LRMDA: variants seen among roughly 807,000 people sequenced by gnomAD.
LRMDA encodes the protein leucine rich melanocyte differentiation associated.
A neutral mutation model predicts 29.8 loss-of-function variants in LRMDA; 18 were observed. The ratio of observed to expected loss-of-function variants is 0.60; its 90% CI spans 0.42 to 0.90. The LOEUF is 0.90. Ranked by LOEUF, LRMDA falls within the 40% of genes least tolerant of loss-of-function variation. The probability of loss-of-function intolerance (pLI) is 0.00; values close to 1 mark genes in which losing one functional copy is unlikely to be tolerated. For synonymous variants in LRMDA, 125 were observed against 109.4 expected, an observed-to-expected ratio of 1.14 and a Z score of -0.89; for missense variants, 273 against 273.9, an observed-to-expected ratio of 1.00 and a Z score of 0.02.
intron 6 of LRMDA, among the ~76,000 whole-genome samples, chr10:76,374,470 A>G (rs1450292422): frequency 6.6e-6 from 1 of 152,194 alleles, no homozygotes; most frequent in Admixed American, 6.5e-5. Context: ...GATGCAGAAA[A>G]GAAGATATAA....
chr10:75,623,790 T>C (rs763536362), intron 2 of LRMDA, among the ~76,000 whole-genome samples: 3 of 152,228 alleles, frequency 2.0e-5, no homozygotes, highest in Non-Finnish European at 2.9e-5. Flanking sequence ...TGTTCATCTT[T>C]ATCAGCCAAA....
At chr10:76,378,116 G>A (rs1020835986) in intron 6 of LRMDA, among the ~76,000 whole-genome samples, 9 of 152,052 alleles carry the variant, frequency 5.9e-5, no homozygotes, top group Non-Finnish European at 1.2e-4. Flanking sequence ...TTGGTTAAAT[G>A]TATTTCTAGG....
chr10:75,752,884 T>A (rs937207179), intron 2 of LRMDA, among the ~76,000 whole-genome samples: 9 of 152,238 alleles, frequency 5.9e-5, no homozygotes, highest in Non-Finnish European at 1.2e-4. Flanking sequence ...AATTCGAGTC[T>A]GAATTGCGTC....
At chr10:75,432,222 G>C (rs1433178385) in intron 1 of LRMDA, among the ~76,000 whole-genome samples, 1 of 152,254 alleles carries the variant, frequency 6.6e-6, no homozygotes, top group Non-Finnish European at 1.5e-5. Context: ...AGGGGTTTAT[G>C]AAGGCAAAAG....
chr10:75,581,570 A>AAGTCATTG (rs564968616), intron 2 of LRMDA, among the ~76,000 whole-genome samples: 1,813 of 152,284 alleles, frequency 0.012, 31 homozygotes, highest in African/African-American at 0.039. Context: ...TACTGGGTAT[A>AAGTCATTG]TACCCAAAGG....
At chr10:75,637,513 A>G (rs904335845) in intron 2 of LRMDA, among the ~76,000 whole-genome samples, 1 of 152,102 alleles carries the variant, frequency 6.6e-6, no homozygotes, top group African/African-American at 2.4e-5. Flanking sequence ...CCAGGAGACT[A>G]ATCTCTTACT....
At chr10:76,270,217 A>G (rs1052143713) in intron 5 of LRMDA, 3 of 152,250 alleles carry the variant, frequency 2.0e-5, no homozygotes, top group African/African-American at 7.2e-5. Context: ...TGTCTCAAAG[A>G]AAATGCATGA....
intron 6 of LRMDA, among the ~76,000 whole-genome samples, chr10:76,428,604 C>A (rs1186415448): frequency 6.6e-6 from 1 of 152,082 alleles, no homozygotes; most frequent in South Asian, 2.1e-4. Context: ...TGTGAGATTG[C>A]CACTGGAGCT....
intron 2 of LRMDA, among the ~76,000 whole-genome samples, chr10:75,486,992 G>C (rs1374091414): frequency 6.6e-5 from 10 of 152,204 alleles, no homozygotes; most frequent in Admixed American, 1.3e-4. Flanking sequence ...ATTAATCAGG[G>C]AGACGAAGGG....
intron 5 of LRMDA, among the ~76,000 whole-genome samples, chr10:76,143,826 G>T (rs77801576): frequency 0.15 from 22,439 of 152,132 alleles, 1,953 homozygotes; most frequent in Non-Finnish European, 0.19. Context: ...ATGGTTTTAG[G>T]TCTAACATTT....
chr10:75,549,991 G>T (rs1840122874), intron 2 of LRMDA, among the ~76,000 whole-genome samples: 2 of 152,078 alleles, frequency 1.3e-5, no homozygotes, highest in Admixed American at 6.6e-5. Context: ...TCTTTTTATT[G>T]TTGAGTAGTA....
chr10:75,681,890 G>A (rs2463953), intron 2 of LRMDA, among the ~76,000 whole-genome samples: 151,698 of 152,290 alleles, frequency 1, 75,558 homozygotes, highest in Middle Eastern at 1. Context: ...CCGGGAGAAA[G>A]CGCTTTTGAA....
chr10:76,404,690 CCTT>C (rs1470334694), intron 6 of LRMDA, among the ~76,000 whole-genome samples: 5 of 152,182 alleles, frequency 3.3e-5, no homozygotes, highest in African/African-American at 4.8e-5. Flanking sequence ...TCCAAAGTCT[CCTT>C]CTCATTGAAG....
intron 2 of LRMDA, among the ~76,000 whole-genome samples, chr10:75,564,817 A>G (rs367592707): frequency 4.6e-5 from 7 of 152,218 alleles, no homozygotes; most frequent in African/African-American, 1.7e-4. Flanking sequence ...GGTGAGGCCT[A>G]GACATCTATA....
At chr10:76,326,510 C>T (rs1444603157) in intron 6 of LRMDA, among the ~76,000 whole-genome samples, 1 of 152,198 alleles carries the variant, frequency 6.6e-6, no homozygotes, top group Non-Finnish European at 1.5e-5. Context: ...GGACAAATTA[C>T]ATCAATTCTT....
At chr10:76,134,025 A>G (rs1850048131) in intron 5 of LRMDA, among the ~76,000 whole-genome samples, 1 of 151,384 alleles carries the variant, frequency 6.6e-6, no homozygotes, top group Non-Finnish European at 1.5e-5. Flanking sequence ...CCCCACCCCC[A>G]ACAAAGTCCA....
At chr10:76,276,095 TTTG>T (rs984606134) in intron 5 of LRMDA, among the ~76,000 whole-genome samples, 2 of 151,876 alleles carry the variant, frequency 1.3e-5, no homozygotes, top group African/African-American at 4.8e-5. Context: ...CTTTCTTTCT[TTTG>T]TTAATTCTTT....
At chr10:75,756,813 T>G (rs1843037917) in intron 2 of LRMDA, among the ~76,000 whole-genome samples, 2 of 152,212 alleles carry the variant, frequency 1.3e-5, no homozygotes, top group Admixed American at 6.5e-5. Flanking sequence ...GGACCTGGAT[T>G]CCAACTTTGG....
chr10:75,618,355 ACTCTCTCTCT>A (rs753240055), intron 2 of LRMDA, among the ~76,000 whole-genome samples: 1,792 of 131,812 alleles, frequency 0.014, 49 homozygotes, highest in Admixed American at 0.07. Flanking sequence ...TCTTTACCAG[ACTCTCTCTCT>A]CTCTCTCTCT....
Sources: allele counts gnomAD v4.1 joint callset (sites outside exome capture counted in the v4.1 genomes callset), GRCh38; gene constraint gnomAD v4.1.1; transcripts MANE v1.5; gene names NCBI Gene and HGNC (gene_info 2026-07-23, HGNC 2026-07-21).